Variants in CRISPLD1 observed in about 807,000 individuals in gnomAD.
CRISPLD1 encodes cysteine-rich secretory protein LCCL domain-containing 1.
CRISPLD1 carries 60 observed loss-of-function variants against 77.5 expected under a neutral mutation model. The ratio of observed to expected loss-of-function variants is 0.77; its 90% CI spans 0.63 to 0.96. The LOEUF is 0.96. Ranked by LOEUF, CRISPLD1 falls within the 40% of genes least tolerant of loss-of-function variation. The pLI, the probability that CRISPLD1 is intolerant of heterozygous loss-of-function variation, is 0.00. For synonymous variants in CRISPLD1, 195 were observed against 200.1 expected (o/e 0.97, Z 0.22); for missense variants, 623 against 615.8 (o/e 1.01, Z -0.12).
chr8:75,011,706 A>G (rs991205303), intron 2 of CRISPLD1, among the ~76,000 whole-genome samples: 3 of 152,104 alleles, frequency 2.0e-5, no homozygotes, highest in Non-Finnish European at 4.4e-5. Flanking sequence ...TTATGTCTAC[A>G]TATATTTTAT....
chr8:74,993,290 G>T (rs1303650108), intron 2 of CRISPLD1, among the ~76,000 whole-genome samples: 1 of 152,024 alleles, frequency 6.6e-6, no homozygotes, highest in African/African-American at 2.4e-5. Flanking sequence ...GTATACTGTT[G>T]CTTGACTGGT....
intron 2 of CRISPLD1, among the ~76,000 whole-genome samples, chr8:75,007,663 C>CCTTT (rs767123196): frequency 2.2e-5 from 2 of 89,322 alleles, no homozygotes; most frequent in African/African-American, 9.6e-5. Context: ...GAACCATCGA[C>CCTTT]TTTTTTTTTT....
intron 2 of CRISPLD1, among the ~76,000 whole-genome samples, chr8:75,011,814 G>A (rs1487419710): frequency 1.3e-5 from 2 of 152,058 alleles, no homozygotes; most frequent in Non-Finnish European, 2.9e-5. Context: ...GATAGCAGCA[G>A]CACTGTCCCA....
In CRISPLD1 at chr8:75,025,532, A is replaced by G. The variant is rs113506162; in HGVS notation, c.1245-14A>G. Reference sequence around the variant, plus strand: ...AGCTTACTTAATATATATATAATATATTATTTTTTTCAGAGTATACTGTCC... The same window carrying G: ...AGCTTACTTAATATATATATAATATGTTATTTTTTTCAGAGTATACTGTCC... On this transcript the variant is annotated splice_polypyrimidine_tract_variant and intron_variant, in intron 12 of 14. Transcript: ENST00000262207. 1.0e-5 allele frequency: 13 copies of G among 1,305,880 alleles called. No homozygotes were observed. In the African/African-American group the frequency reaches 1.8e-4, roughly 18 times the overall value. The allele number at this position is 1,305,880 out of a possible 1,614,324, so 80.9% of individuals were successfully genotyped here. A position where few individuals can be genotyped will look rare whatever the true frequency, so the allele number is the denominator to read the frequency against.
rs201918693 is a variant in CRISPLD1 at position 75,016,619 on chromosome 8, G to A, written c.782G>A (p.Arg261Gln). 317 of 1,613,538 alleles carry A rather than the reference G, an allele frequency of 2.0e-4. 1 individual carries two copies. The East Asian group carries it at 5.6e-3, about 29-fold the overall frequency. The stretch of plus-strand genomic sequence containing the variant: ...GAAGAGGAAACAAATGAAATAGAAC[G>A]ACAGCAGTCACAAGTCCATGACACC... ...PREEETNEIE[R>Q]QQSQVHDTHV... Residue 261 changes from arginine to glutamine, a missense_variant, in exon 7 of 15, where the codon CGA becomes CAA. By Grantham distance (43) the Arg-to-Gln change is conservative. Coordinates refer to ENST00000262207, the MANE Select transcript of CRISPLD1 (RefSeq NM_031461.6).
chr8:75,015,517 CAA>C (rs1284683321), intron 6 of CRISPLD1, among the ~76,000 whole-genome samples: 1 of 152,132 alleles, frequency 6.6e-6, no homozygotes, highest in Non-Finnish European at 1.5e-5. Context: ...ACTGTTATGA[CAA>C]AGCTTTGTGA....
intron 2 of CRISPLD1, among the ~76,000 whole-genome samples, chr8:74,988,730 G>A (rs1194179909): frequency 1.3e-5 from 2 of 152,232 alleles, no homozygotes; most frequent in East Asian, 3.9e-4. Flanking sequence ...AGGTGCTGGG[G>A]AGGTTGAGGC....
intron 2 of CRISPLD1, among the ~76,000 whole-genome samples, chr8:74,987,669 A>G (rs1456822523): frequency 6.6e-6 from 1 of 152,170 alleles, no homozygotes; most frequent in Non-Finnish European, 1.5e-5. Flanking sequence ...TAAAGTGAAA[A>G]ATTCTATGAC....
chr8:74,994,752 C>T (rs1262786872), intron 2 of CRISPLD1, among the ~76,000 whole-genome samples: 4 of 152,142 alleles, frequency 2.6e-5, no homozygotes, highest in East Asian at 1.9e-4. Context: ...TTATTAATTG[C>T]ACTATCATGG....
intron 4 of CRISPLD1, 32 bp downstream of exon 4, chr8:75,013,054 C>A: frequency 1.4e-6 from 2 of 1,459,190 alleles, no homozygotes; most frequent in Non-Finnish European, 1.8e-6. Flanking sequence ...CTTAATTCCC[C>A]CAAATTGAGT....
At chr8:75,031,815 G>C (rs1215723448) in intron 14 of CRISPLD1, among the ~76,000 whole-genome samples, 1 of 151,962 alleles carries the variant, frequency 6.6e-6, no homozygotes, top group African/African-American at 2.4e-5. Flanking sequence ...GTGCATATCA[G>C]TTGTAAATCT....
intron 2 of CRISPLD1, among the ~76,000 whole-genome samples, chr8:74,994,927 TGG>T (rs1021155380): frequency 9.2e-5 from 14 of 152,096 alleles, no homozygotes; most frequent in African/African-American, 3.1e-4. Context: ...TAGAGAAAGA[TGG>T]GGCGCAGTGT....
At chr8:75,030,718 G>A (rs112834593) in intron 14 of CRISPLD1, among the ~76,000 whole-genome samples, 2 of 146,326 alleles carry the variant, frequency 1.4e-5, no homozygotes, top group African/African-American at 5.0e-5. Flanking sequence ...ATATGTATGT[G>A]TGTGTGTCTG....
intron 2 of CRISPLD1, among the ~76,000 whole-genome samples, chr8:75,008,023 C>G (rs1252062296): frequency 2.0e-5 from 3 of 152,062 alleles, no homozygotes; most frequent in Non-Finnish European, 4.4e-5. Context: ...TTTAAAATTT[C>G]TCATACACAC....
intron 2 of CRISPLD1, among the ~76,000 whole-genome samples, chr8:75,010,090 C>G (rs1812902309): frequency 6.6e-6 from 1 of 152,088 alleles, no homozygotes; most frequent in South Asian, 2.1e-4. Flanking sequence ...AGCAGCAACT[C>G]TTGCTGCTCT....
chr8:75,012,395 GC>G, intron 2 of CRISPLD1, 37 bp from the exon 3 acceptor site: 1 of 1,215,442 alleles, frequency 8.2e-7, no homozygotes, highest in Non-Finnish European at 1.2e-6. Flanking sequence ...GTGTCCAAAT[GC>G]TACATGTGCA....
At chr8:75,005,433 TC>T (rs1314025765) in intron 2 of CRISPLD1, among the ~76,000 whole-genome samples, 2 of 152,100 alleles carry the variant, frequency 1.3e-5, no homozygotes, top group Admixed American at 1.3e-4. Flanking sequence ...AGAGAACTCT[TC>T]CAGGGTGTTT....
chr8:75,019,334 A>AT (rs1813092260), intron 10 of CRISPLD1, among the ~76,000 whole-genome samples: 1 of 152,198 alleles, frequency 6.6e-6, no homozygotes, highest in Admixed American at 6.5e-5. Context: ...TTGATGTATA[A>AT]TTATGTGCCT....
Position 75,012,516 on chromosome 8 carries a change from A to G in CRISPLD1, c.342A>G (p.Pro114=), listed in dbSNP as rs1022536526. The G allele has an allele frequency of 3.7e-6, 6 of 1,612,792 alleles. No individual in the cohort carries two copies. Among genetic ancestry groups the G allele is most frequent in the East Asian group, 2.2e-5 (1 of 44,852 alleles). Residue 114 remains proline (P), a synonymous_variant, in exon 3 of 15, where the codon CCA becomes CCG. Coordinates refer to ENST00000262207, the MANE Select transcript of CRISPLD1 (RefSeq NM_031461.6). ...LWEHGPASLL[P]SIGQNLGAHW... ...AACATGGACCTGCAAGCTTGCTTCC[A>G]TCAATTGGACAGAATTTGGGAGCAC...
Sources: gnomAD v4.1 joint callset for allele counts (sites outside exome capture counted in the v4.1 genomes callset) on GRCh38, gnomAD v4.1.1 for gene constraint, MANE v1.5 for transcripts, NCBI Gene and HGNC (gene_info 2026-07-23, HGNC 2026-07-21) for gene names.